The following EDA variants were observed in gnomAD, a reference collection of about 807,000 sequenced individuals.
EDA encodes the protein ectodysplasin-A.
EDA carries 2 observed loss-of-function variants against 23.6 expected under a neutral mutation model. The observed-to-expected ratio is 0.08, with a 90% CI of 0.03 to 0.27. EDA has a LOEUF of 0.27. Ranked by LOEUF, EDA falls within the 10% of genes least tolerant of loss-of-function variation. The pLI, the probability that EDA is intolerant of heterozygous loss-of-function variation, is 1.00. For missense variants in EDA, 229 were observed against 324.2 expected, an observed-to-expected ratio of 0.71 and a Z score of 2.26; for synonymous variants, 131 against 132.0, an observed-to-expected ratio of 0.99 and a Z score of 0.05.
chrX:69,921,579 C>T (rs762392078), intron 1 of EDA, among the ~76,000 whole-genome samples: 2 of 110,546 alleles, frequency 1.8e-5, no homozygotes, highest in Admixed American at 9.7e-5. Flanking sequence ...TGGTTTCAGG[C>T]TTGTTAATTC....
At chrX:69,897,050 C>G (rs2018027038) in intron 1 of EDA, among the ~76,000 whole-genome samples, 1 of 111,314 alleles carries the variant, frequency 9.0e-6, no homozygotes, top group Non-Finnish European at 1.9e-5. Context: ...CCAGAATAGA[C>G]AATGAATTGA....
intron 1 of EDA, among the ~76,000 whole-genome samples, chrX:69,790,461 A>G (rs918020912): frequency 1.8e-5 from 2 of 111,528 alleles, no homozygotes; most frequent in African/African-American, 6.5e-5. Flanking sequence ...TGGATAGCAA[A>G]TTAATCAGGA....
At chrX:69,738,090 T>G (rs185341836) in intron 1 of EDA, among the ~76,000 whole-genome samples, 39 of 111,609 alleles carry the variant, frequency 3.5e-4, no homozygotes, top group African/African-American at 1.3e-3. Context: ...CTTTTTTGAA[T>G]TATCAAGTTT....
chrX:69,788,551 G>A (rs1174485808), intron 1 of EDA, among the ~76,000 whole-genome samples: 11 of 111,800 alleles, frequency 9.8e-5, no homozygotes, highest in South Asian at 3.8e-4. Flanking sequence ...GTTCCTGGCC[G>A]TGTGAGGTGT....
chrX:69,833,440 CA>C (rs1229092111), intron 1 of EDA, among the ~76,000 whole-genome samples: 1 of 110,632 alleles, frequency 9.0e-6, no homozygotes, highest in Admixed American at 9.7e-5. Context: ...TTCGGTTTGC[CA>C]TTATATTATT....
chrX:69,986,945 T>TA (rs1307908514), intron 2 of EDA, among the ~76,000 whole-genome samples: 1 of 58,189 alleles, frequency 1.7e-5, no homozygotes, highest in Non-Finnish European at 3.0e-5. Flanking sequence ...TATGCAGCCA[T>TA]AAAAAATGAT....
intron 1 of EDA, among the ~76,000 whole-genome samples, chrX:69,774,319 C>G (rs140283942): frequency 8.9e-6 from 1 of 111,813 alleles, no homozygotes; most frequent in East Asian, 2.8e-4. Context: ...TTTCTCCTCT[C>G]CAGTACTCCG....
chrX:69,653,362 G>C (rs1173258094), intron 1 of EDA, among the ~76,000 whole-genome samples: 3 of 111,445 alleles, frequency 2.7e-5, no homozygotes, highest in Non-Finnish European at 3.8e-5. Flanking sequence ...TTATCAGCTT[G>C]AGGAGATTTT....
chrX:69,820,908 A>G (rs1329099332), intron 1 of EDA, among the ~76,000 whole-genome samples: 2 of 111,749 alleles, frequency 1.8e-5, no homozygotes, highest in Admixed American at 9.5e-5. Flanking sequence ...AGGAATATAA[A>G]TCATTCTATT....
intron 1 of EDA, among the ~76,000 whole-genome samples, chrX:69,868,514 C>T (rs2017518906): frequency 8.9e-6 from 1 of 111,915 alleles, no homozygotes; most frequent in Admixed American, 9.5e-5. Context: ...ATATATTTCC[C>T]ATCCTCTGGC....
chrX:69,721,188 C>T (rs1455739114), intron 1 of EDA, among the ~76,000 whole-genome samples: 1 of 111,503 alleles, frequency 9.0e-6, no homozygotes, highest in African/African-American at 3.3e-5. Context: ...CAAGGCCTAC[C>T]ATTGATTGTC....
chrX:69,874,266 T>C (rs1443742987), intron 1 of EDA, among the ~76,000 whole-genome samples: 1 of 110,268 alleles, frequency 9.1e-6, no homozygotes, highest in Non-Finnish European at 1.9e-5. Context: ...GACCTGAGAT[T>C]GTGCCATTGC....
rs2017201853 is a variant in EDA, at chrX:69,854,410, T to A, written c.397-102617T>A. Reference sequence around the variant, plus strand: ...GGTTTCACCATGTTGGCCAGGCTGGTCTTGAACTCCTCACCTCAGGTTATC... The same window carrying A: ...GGTTTCACCATGTTGGCCAGGCTGGACTTGAACTCCTCACCTCAGGTTATC... On this transcript the variant is annotated intron_variant, in intron 1 of 7. Coordinates refer to ENST00000374552, the MANE Select transcript of EDA (RefSeq NM_001399.5). Among the ~76,000 whole-genome samples the A allele has an allele frequency of 3.6e-5, 4 of 111,398 alleles. No individual in the cohort carries two copies. In the Middle Eastern group the frequency reaches 0.018, roughly 513 times the overall value.
chrX:69,673,022 T>C (rs1364059897), intron 1 of EDA, among the ~76,000 whole-genome samples: 1 of 111,877 alleles, frequency 8.9e-6, no homozygotes, highest in African/African-American at 3.2e-5. Flanking sequence ...CCCTATAACT[T>C]GGCTACTGGA....
At chrX:69,729,453 A>C (rs1357895770) in intron 1 of EDA, among the ~76,000 whole-genome samples, 1 of 111,206 alleles carries the variant, frequency 9.0e-6, no homozygotes. Flanking sequence ...TATCCATGCC[A>C]TTTCTCATCC....
At chrX:69,925,239 G>A (rs76975900) in intron 1 of EDA, among the ~76,000 whole-genome samples, 1 of 111,778 alleles carries the variant, frequency 8.9e-6, no homozygotes, top group African/African-American at 3.3e-5. Context: ...GGTTTTCAAA[G>A]GGAATGTGTC....
At chrX:70,025,969 C>A (rs993202182) in intron 3 of EDA, among the ~76,000 whole-genome samples, 1 of 111,818 alleles carries the variant, frequency 8.9e-6, no homozygotes, top group Non-Finnish European at 1.9e-5. Context: ...TCTTGAGTGG[C>A]ATTGCCATGA....
chrX:69,989,001 G>A (rs187212548), intron 2 of EDA, among the ~76,000 whole-genome samples: 228 of 111,977 alleles, frequency 2.0e-3, no homozygotes, highest in African/African-American at 7.2e-3. Context: ...AAGAGGCAGC[G>A]TGAAGCAAGG....
At chrX:70,026,825 C>A (rs2020111486) in intron 3 of EDA, among the ~76,000 whole-genome samples, 1 of 110,514 alleles carries the variant, frequency 9.0e-6, no homozygotes, top group Non-Finnish European at 1.9e-5. Context: ...TGCTTCTTTC[C>A]TGTTTCTCAA....
Sources: gnomAD v4.1 joint callset for allele counts (sites outside exome capture counted in the v4.1 genomes callset) on GRCh38, gnomAD v4.1.1 for gene constraint, MANE v1.5 for transcripts, NCBI Gene and HGNC (gene_info 2026-07-23, HGNC 2026-07-21) for gene names.